GPATCH2: variants seen among roughly 807,000 people sequenced by gnomAD.
GPATCH2 encodes G patch domain-containing protein 2.
A neutral mutation model predicts 58.0 loss-of-function variants in GPATCH2; 51 were observed. The ratio of observed to expected loss-of-function variants is 0.88; its 90% CI spans 0.70 to 1.11. The LOEUF is 1.11. Ranked by LOEUF, GPATCH2 falls within the 50% of genes most tolerant of loss-of-function variation. The probability of loss-of-function intolerance (pLI) is 0.00; values close to 1 mark genes in which losing one functional copy is unlikely to be tolerated. For synonymous variants in GPATCH2, 222 were observed against 218.5 expected (o/e 1.02, Z -0.14); for missense variants, 625 against 652.2 (o/e 0.96, Z 0.45).
At position 217,501,794 on chromosome 1, in the gene GPATCH2, G is replaced by C. The variant is rs377455397; in HGVS notation, c.1167-3399C>G. Among the ~76,000 whole-genome samples the C allele has an allele frequency of 2.1e-4, 32 of 151,924 alleles. No homozygotes were observed. In the East Asian group the frequency reaches 3.1e-3, roughly 15 times the overall value. ...GTCCATTTTCTAACTAGATTGTTTTGCTTTTTAACTGTTTTATAACTATTA... is the reference window on the plus strand; with the variant it reads ...GTCCATTTTCTAACTAGATTGTTTTCCTTTTTAACTGTTTTATAACTATTA... On this transcript the variant is annotated intron_variant, in intron 6 of 9. Coordinates refer to ENST00000366935, the MANE Select transcript of GPATCH2 (RefSeq NM_018040.5).
intron 8 of GPATCH2, among the ~76,000 whole-genome samples, chr1:217,469,278 C>T (rs1374636359): frequency 6.6e-6 from 1 of 152,084 alleles, no homozygotes; most frequent in African/African-American, 2.4e-5. Flanking sequence ...AGCTCGAAGA[C>T]AGCTGTCCAA....
intron 8 of GPATCH2, among the ~76,000 whole-genome samples, chr1:217,489,505 A>C (rs924959144): frequency 2.0e-5 from 3 of 151,912 alleles, no homozygotes; most frequent in Admixed American, 1.3e-4. Flanking sequence ...CCATTATTTT[A>C]TTTTCTTTTA....
chr1:217,472,468 AT>A (rs1227941525), intron 8 of GPATCH2, among the ~76,000 whole-genome samples: 1 of 151,794 alleles, frequency 6.6e-6, no homozygotes, highest in Non-Finnish European at 1.5e-5. Flanking sequence ...CGCCGGGCTA[AT>A]TTTTTTGTGT....
At chr1:217,438,367 C>T (rs776082665) in intron 9 of GPATCH2, among the ~76,000 whole-genome samples, 4 of 152,110 alleles carry the variant, frequency 2.6e-5, no homozygotes, top group Non-Finnish European at 5.9e-5. Context: ...GGGAACAAAA[C>T]TGGAGAATGA....
chr1:217,443,580 A>T (rs1659248615), intron 9 of GPATCH2, among the ~76,000 whole-genome samples: 1 of 152,046 alleles, frequency 6.6e-6, no homozygotes, highest in East Asian at 1.9e-4. Flanking sequence ...CCATTCTAAA[A>T]ATTCTTATTT....
chr1:217,546,051 A>AT (rs1012227676), intron 5 of GPATCH2, among the ~76,000 whole-genome samples: 3 of 151,998 alleles, frequency 2.0e-5, no homozygotes, highest in East Asian at 1.9e-4. Flanking sequence ...CAAAGTTTTA[A>AT]TTTTTTTTAA....
At chr1:217,533,751 A>ATGGG (rs1242079587) in intron 5 of GPATCH2, among the ~76,000 whole-genome samples, 2 of 152,240 alleles carry the variant, frequency 1.3e-5, no homozygotes, top group African/African-American at 4.8e-5. Flanking sequence ...GTTCTGAATC[A>ATGGG]TGTATAACAG....
intron 5 of GPATCH2, chr1:217,609,932 A>G: frequency 8.4e-7 from 1 of 1,193,694 alleles, no homozygotes; most frequent in Non-Finnish European, 1.0e-6. Context: ...AGTAGTTTCT[A>G]TCCACCCTGG....
intron 5 of GPATCH2, among the ~76,000 whole-genome samples, chr1:217,515,677 C>T (rs1294891143): frequency 1.3e-5 from 2 of 151,476 alleles, no homozygotes; most frequent in Non-Finnish European, 2.9e-5. Flanking sequence ...CACTGCACTC[C>T]AGCCTGGGTG....
At chr1:217,582,134 T>C (rs1390915834) in intron 5 of GPATCH2, among the ~76,000 whole-genome samples, 1 of 152,150 alleles carries the variant, frequency 6.6e-6, no homozygotes, top group Non-Finnish European at 1.5e-5. Context: ...TACTTGATTA[T>C]GCAACTGTTC....
At chr1:217,574,983 A>T (rs67774990) in intron 5 of GPATCH2, among the ~76,000 whole-genome samples, 31,785 of 152,162 alleles carry the variant, frequency 0.21, 4,265 homozygotes, top group East Asian at 0.52. Flanking sequence ...ATCCACACAC[A>T]GGGTTGGAAA....
chr1:217,603,733 C>T (rs1267699502), intron 5 of GPATCH2, among the ~76,000 whole-genome samples: 3 of 152,032 alleles, frequency 2.0e-5, no homozygotes, highest in Non-Finnish European at 4.4e-5. Flanking sequence ...AGTGATTCTC[C>T]TGCTTCTGCC....
intron 6 of GPATCH2, among the ~76,000 whole-genome samples, chr1:217,505,466 C>T (rs1178031831): frequency 3.3e-5 from 5 of 152,204 alleles, no homozygotes; most frequent in African/African-American, 1.2e-4. Context: ...AATTCCTTCT[C>T]ACTGTTCCTT....
chr1:217,450,231 A>G (rs1262062067), intron 8 of GPATCH2, among the ~76,000 whole-genome samples: 2 of 152,146 alleles, frequency 1.3e-5, no homozygotes, highest in Admixed American at 1.3e-4. Flanking sequence ...GAAATAAATG[A>G]AAGCATGTTT....
At chr1:217,447,986 C>A (rs1180288823) in intron 9 of GPATCH2, among the ~76,000 whole-genome samples, 1 of 151,712 alleles carries the variant, frequency 6.6e-6, no homozygotes, top group African/African-American at 2.4e-5. Flanking sequence ...TAATCCCAAC[C>A]ACTTGGGAGG....
At chr1:217,450,606 CT>C (rs1659617265) in intron 8 of GPATCH2, among the ~76,000 whole-genome samples, 1 of 151,982 alleles carries the variant, frequency 6.6e-6, no homozygotes, top group Non-Finnish European at 1.5e-5. Context: ...GTCTAGTTTT[CT>C]TTTACCTTTT....
At chr1:217,610,630 A>C (rs1668578897) in intron 4 of GPATCH2, among the ~76,000 whole-genome samples, 1 of 152,196 alleles carries the variant, frequency 6.6e-6, no homozygotes, top group Middle Eastern at 3.2e-3. Flanking sequence ...TAGAGTAATA[A>C]ATACCCATTT....
At chr1:217,528,583 A>G (rs1664036974) in intron 5 of GPATCH2, among the ~76,000 whole-genome samples, 1 of 152,152 alleles carries the variant, frequency 6.6e-6, no homozygotes, top group African/African-American at 2.4e-5. Context: ...TCTTGCATAA[A>G]GTAAGGTGGA....
chr1:217,630,885 A>T, intron 1 of GPATCH2, 31 bp downstream of exon 1: 9 of 1,508,130 alleles, frequency 6.0e-6, no homozygotes, highest in Non-Finnish European at 8.1e-6. Flanking sequence ...CCCTTCCCTG[A>T]CCTCCCCCTC....
Sources: gnomAD v4.1 joint callset for allele counts (sites outside exome capture counted in the v4.1 genomes callset) on GRCh38, gnomAD v4.1.1 for gene constraint, MANE v1.5 for transcripts, NCBI Gene and HGNC (gene_info 2026-07-23, HGNC 2026-07-21) for gene names.